The following WDR43 variants were observed in gnomAD, a reference collection of about 807,000 sequenced individuals.
WDR43 encodes the protein WD repeat-containing protein 43.
A neutral mutation model predicts 91.4 loss-of-function variants in WDR43; 13 were observed. The ratio of observed to expected loss-of-function variants is 0.14; its 90% CI spans 0.09 to 0.23. The LOEUF (loss-of-function observed/expected upper bound fraction) is 0.23, where lower values mean the gene tolerates loss of function less well. Ranked by LOEUF, WDR43 falls within the 10% of genes least tolerant of loss-of-function variation. WDR43 has a pLI of 1.00. For synonymous variants in WDR43, 331 were observed against 287.9 expected (o/e 1.15, Z -1.51); for missense variants, 780 against 809.4 (o/e 0.96, Z 0.44).
At chr2:28,941,288 G>T (rs1167715143) in intron 14 of WDR43, among the ~76,000 whole-genome samples, 173 bp from the exon 15 acceptor site, 1 of 152,072 alleles carries the variant, frequency 6.6e-6, no homozygotes, top group African/African-American at 2.4e-5. Context: ...AGGGTCTTCT[G>T]TGAAAATTCG....
chr2:28,908,934 T>A lies in WDR43; in HGVS notation c.485+2353T>A, dbSNP rs558668888. On this transcript the variant is annotated intron_variant, in intron 3 of 17. Transcript: ENST00000407426. ...GCCTTAGACTTTCCTATGTTTAATA[T>A]TTTTTTTTGTACAAAATTTTGCTTT... Among the ~76,000 whole-genome samples the A allele has an allele frequency of 1.1e-4, 17 of 151,030 alleles. No individual in the cohort carries two copies. The South Asian group carries it at 3.3e-3, about 30-fold the overall frequency.
intron 13 of WDR43, 86 bp downstream of exon 13, chr2:28,937,039 A>G (rs1671348540): frequency 7.6e-7 from 1 of 1,323,486 alleles, no homozygotes; most frequent in Non-Finnish European, 1.0e-6. Context: ...AACTAATAAA[A>G]CTCTTTCAGT....
chr2:28,912,508 A>T (rs999094959), intron 3 of WDR43, 82 bp from the exon 4 acceptor site: 102 of 1,510,760 alleles, frequency 6.8e-5, no homozygotes, highest in Non-Finnish European at 7.2e-6. Context: ...ATGATTGTTC[A>T]GTTTGTTTTT....
chr2:28,935,451 C>T, intron 11 of WDR43, 70 bp from the exon 12 acceptor site: 2 of 1,043,742 alleles, frequency 1.9e-6, no homozygotes, highest in Non-Finnish European at 1.4e-6. Context: ...TTTTTACAGA[C>T]TTTTTTTTTT....
At chr2:28,896,146 T>A (rs933168087) in intron 1 of WDR43, among the ~76,000 whole-genome samples, 2 of 152,226 alleles carry the variant, frequency 1.3e-5, no homozygotes, top group African/African-American at 4.8e-5. Flanking sequence ...GCTTATCTTT[T>A]ATTTTCAAAG....
In WDR43 at chr2:28,947,724, TTTTC is replaced by T. The variant is rs1028840784; in HGVS notation, c.*948_*951del. The T allele has an allele frequency of 1.3e-4, 20 of 152,016 alleles. No individual in the cohort carries two copies. The highest frequency in any genetic ancestry group is 4.8e-4 in the African/African-American group (20 of 41,562). 9.4% of individuals were successfully genotyped at this position (152,016 alleles called of 1,614,324 possible). On this transcript the variant is annotated 3_prime_UTR_variant, in exon 18 of 18. Transcript: ENST00000407426. ...TTTTTATAATTAAATAATTTAATGTTTTTCTTCCTTTTCATTACCTACTCTTGGC... is the reference window on the plus strand; with the variant it reads ...TTTTTATAATTAAATAATTTAATGTTTTCCTTTTCATTACCTACTCTTGGC...
At chr2:28,906,744 T>C (rs1476151700) in intron 3 of WDR43, among the ~76,000 whole-genome samples, 163 bp downstream of exon 3, 3 of 152,064 alleles carry the variant, frequency 2.0e-5, no homozygotes, top group African/African-American at 7.2e-5. Context: ...ACACATAAAA[T>C]ACATAAAAGC....
At chr2:28,942,176 T>C (rs1671450375) in intron 15 of WDR43, 136 bp from the exon 16 acceptor site, 11 of 735,584 alleles carry the variant, frequency 1.5e-5, no homozygotes, top group Non-Finnish European at 1.8e-5. Flanking sequence ...TTGCTCTGTA[T>C]TGTATGAAGG....
chr2:28,933,577 T>TA (rs1170695335), intron 11 of WDR43, among the ~76,000 whole-genome samples: 5 of 152,160 alleles, frequency 3.3e-5, no homozygotes, highest in Non-Finnish European at 7.4e-5. Flanking sequence ...AAAACAGTGT[T>TA]AGGAGTATAA....
intron 5 of WDR43, among the ~76,000 whole-genome samples, chr2:28,914,727 G>A (rs1339574733): frequency 1.3e-5 from 2 of 152,122 alleles, no homozygotes; most frequent in Admixed American, 6.5e-5. Flanking sequence ...TGAAGAGATC[G>A]AGATCATCCT....
At chr2:28,936,008 G>A (rs988152571) in intron 12 of WDR43, among the ~76,000 whole-genome samples, 3 of 152,114 alleles carry the variant, frequency 2.0e-5, no homozygotes, top group East Asian at 3.9e-4. Flanking sequence ...ACCTAACACC[G>A]AAACCATTTT....
rs747607250 is a variant in WDR43 at position 28,924,968 on chromosome 2, C to T, written c.915-14C>T. Reference sequence around the variant, plus strand: ...TTTCAAATTCTTTAATCTCATTTCCCCCTCCATTTCCAGGTACTGCAAAAA... The same window carrying T: ...TTTCAAATTCTTTAATCTCATTTCCTCCTCCATTTCCAGGTACTGCAAAAA... On this transcript the variant is annotated splice_polypyrimidine_tract_variant and intron_variant, in intron 7 of 17. Coordinates refer to ENST00000407426, the MANE Select transcript of WDR43 (RefSeq NM_015131.3). 6.2e-7 allele frequency: 1 copy of T among 1,603,442 alleles called. No homozygotes were observed. Among genetic ancestry groups the T allele is most frequent in the Non-Finnish European group, 8.5e-7 (1 of 1,176,088 alleles).
chr2:28,913,536 G>A, intron 4 of WDR43: 2 of 384,438 alleles, frequency 5.2e-6, no homozygotes, highest in South Asian at 2.0e-5. Flanking sequence ...ACTATGTGAT[G>A]ATTATGGTAA....
chr2:28,912,804 C>T (rs1670828584), intron 4 of WDR43, 94 bp downstream of exon 4: 3 of 1,461,406 alleles, frequency 2.1e-6, no homozygotes, highest in South Asian at 2.8e-5. Context: ...TTTAAGAATA[C>T]AAATTCTTCA....
intron 6 of WDR43, among the ~76,000 whole-genome samples, chr2:28,919,648 T>G (rs1179858112): frequency 3.3e-5 from 5 of 150,772 alleles, no homozygotes; most frequent in Non-Finnish European, 2.9e-5. Context: ...AGAGCGAGAC[T>G]CCGTCTCAAA....
At position 28,902,004 on chromosome 2, in the gene WDR43, A is replaced by G; in HGVS notation, c.243A>G (p.Lys81=). ...RLQAKESPQR[K]KRKSEAVGMS... is the part of the protein sequence containing the mutation. ...TTTTCCAGGAAAGTCCCCAGAGGAA[A>G]AAAAGGAAATCAGAAGCTGTAGGAA... The change falls in exon 2 of 18, where the codon AAA becomes AAG. Residue 81 remains lysine (K), a synonymous_variant. Coordinates refer to ENST00000407426, the MANE Select transcript of WDR43 (RefSeq NM_015131.3). 1.3e-6 allele frequency: 2 copies of G among 1,592,970 alleles called. No homozygotes were observed. Among genetic ancestry groups the G allele is most frequent in the Non-Finnish European group, 1.7e-6 (2 of 1,175,042 alleles).
Position 28,914,216 on chromosome 2 carries a change from G to A in WDR43, c.746+8G>A. On this transcript the variant is annotated splice_region_variant and intron_variant, in intron 5 of 17. Transcript: ENST00000407426. ...CCGGTTACTTAATGTCTGGTATGTA[G>A]TTCTTTTGGATTTGGGAGGTAGCAT... 2.5e-6 allele frequency: 4 copies of A among 1,605,870 alleles called. No individual in the cohort carries two copies. The highest frequency in any genetic ancestry group is 1.7e-5 in the Admixed American group (1 of 58,610).
intron 6 of WDR43, among the ~76,000 whole-genome samples, chr2:28,920,088 C>T (rs1431490701): frequency 6.6e-6 from 1 of 151,958 alleles, no homozygotes; most frequent in Non-Finnish European, 1.5e-5. Context: ...TTGAGTGATC[C>T]GCCTGTCTCG....
Position 28,904,712 on chromosome 2 carries a change from C to T in WDR43, c.364-1748C>T, listed in dbSNP as rs570202283. On this transcript the variant is annotated intron_variant, in intron 2 of 17. Transcript: ENST00000407426. ...ACTTGCGTGTATATAAGACTTAGTT[C>T]TTGGAGTACACAGCTGATAGGAAGG... is the stretch of plus-strand genomic sequence containing the variant. Among the ~76,000 whole-genome samples the T allele has an allele frequency of 1.2e-4, 19 of 152,240 alleles. No homozygotes were observed. In the South Asian group the frequency reaches 1.4e-3, roughly 12 times the overall value.
Sources: allele counts gnomAD v4.1 joint callset (sites outside exome capture counted in the v4.1 genomes callset), GRCh38; gene constraint gnomAD v4.1.1; transcripts MANE v1.5; gene names NCBI Gene and HGNC (gene_info 2026-07-23, HGNC 2026-07-21).